The following ZNF600 variants were observed in gnomAD, a reference collection of about 807,000 sequenced individuals.
ZNF600 encodes zinc finger protein KR-ZNF1.
Under a neutral mutation model 7.3 loss-of-function variants are expected in ZNF600, and 4 were observed. The ratio of observed to expected loss-of-function variants is 0.55; its 90% confidence interval spans 0.27 to 1.25. The LOEUF is 1.25. Ranked by LOEUF, ZNF600 falls within the 50% of genes most tolerant of loss-of-function variation. The pLI is 0.12. For synonymous variants in ZNF600, 290 were observed against 308.9 expected, an observed-to-expected ratio of 0.94 and a Z score of 0.64; for missense variants, 911 against 922.1, an observed-to-expected ratio of 0.99 and a Z score of 0.16.
chr19:52,812,069 C>T, the ZNF600 span, among the ~76,000 whole-genome samples: 5 of 86,012 alleles, frequency 5.8e-5, no homozygotes, highest in Admixed American at 1.0e-4. Flanking sequence ...TGAGGGGCGC[C>T]TCTGCCCGGC....
the ZNF600 span, chr19:52,810,209 A>G: frequency 1.8e-6 from 2 of 1,084,456 alleles, no homozygotes; most frequent in Non-Finnish European, 1.4e-6. Context: ...TAAAGGAGCT[A>G]CAGAACGACG....
the ZNF600 span, among the ~76,000 whole-genome samples, chr19:52,815,910 G>A: frequency 0.086 from 12,623 of 146,886 alleles, 2,309 homozygotes; most frequent in African/African-American, 0.22. Context: ...ACGTGAGTTT[G>A]CCTCTGTAAC....
At chr19:52,799,684 A>G in the ZNF600 span, 2 of 1,217,568 alleles carry the variant, frequency 1.6e-6, 1 homozygote, top group Non-Finnish European at 2.1e-6. Context: ...CACTCATTAC[A>G]CTTTCAAGGT....
chr19:52,829,203 ATTT>A, the ZNF600 span, among the ~76,000 whole-genome samples: 2 of 45,328 alleles, frequency 4.4e-5, no homozygotes, highest in Non-Finnish European at 8.2e-5. Flanking sequence ...ATTTTATTTT[ATTT>A]TATTTTATTT....
chr19:52,813,267 A>AAAAAAAAAAAAAAC, the ZNF600 span, among the ~76,000 whole-genome samples: 1 of 149,068 alleles, frequency 6.7e-6, no homozygotes, highest in Non-Finnish European at 1.5e-5. Context: ...AAAAAAAAAA[A>AAAAAAAAAAAAAAC]AAAAGACATA....
chr19:52,801,741 C>T, the ZNF600 span: 2 of 1,565,280 alleles, frequency 1.3e-6, no homozygotes, highest in Non-Finnish European at 1.7e-6. Flanking sequence ...CAATGAAGTA[C>T]AGATGGTGTA....
chr19:52,786,346 C>A (rs375250061), intron 1 of ZNF600, among the ~76,000 whole-genome samples: 185 of 152,284 alleles, frequency 1.2e-3, no homozygotes, highest in African/African-American at 4.2e-3. Flanking sequence ...CGCAGCCTCC[C>A]CGGGGCTGGG....
upstream of ZNF600, among the ~76,000 whole-genome samples, chr19:52,790,969 C>G (rs970707307): frequency 1.3e-5 from 2 of 152,066 alleles, no homozygotes; most frequent in African/African-American, 4.8e-5. Flanking sequence ...GTGTGAGCCA[C>G]CACACCCAGA....
chr19:52,766,054 A>C (rs1208421126), exon 4 of ZNF600: 1 of 1,612,756 alleles, frequency 6.2e-7, no homozygotes, highest in Admixed American at 1.7e-5. Flanking sequence ...TGAACAAGGG[A>C]TGGCTTGTGA....
At chr19:52,806,337 C>A in the ZNF600 span, among the ~76,000 whole-genome samples, 1 of 151,938 alleles carries the variant, frequency 6.6e-6, no homozygotes, top group African/African-American at 2.4e-5. Flanking sequence ...TGGATTACAG[C>A]CACCCACCAC....
intron 1 of ZNF600, 61 bp downstream of exon 2, chr19:52,781,256 T>C (rs1036961806): frequency 6.6e-6 from 1 of 152,106 alleles, no homozygotes; most frequent in Non-Finnish European, 1.5e-5. Context: ...ACACACTGTA[T>C]TTTGTCAGTC....
At chr19:52,775,352 C>T (rs2062665795) in intron 2 of ZNF600, among the ~76,000 whole-genome samples, 1 of 152,008 alleles carries the variant, frequency 6.6e-6, no homozygotes, top group Admixed American at 6.6e-5. Context: ...GAGATTGAGA[C>T]CATCCTGGTC....
the ZNF600 span, among the ~76,000 whole-genome samples, chr19:52,795,370 G>A: frequency 1.3e-5 from 2 of 151,914 alleles, no homozygotes; most frequent in East Asian, 1.9e-4. Flanking sequence ...ATATGACACA[G>A]ACTAGAAAGC....
chr19:52,784,492 C>T (rs551005720), intron 1 of ZNF600, among the ~76,000 whole-genome samples: 3 of 152,240 alleles, frequency 2.0e-5, no homozygotes, highest in East Asian at 3.9e-4. Context: ...CCACTTCCTA[C>T]CCCACCCTGG....
At chr19:52,774,550 G>A (rs2062657257) in intron 3 of ZNF600, 25 bp downstream of exon 5, 1 of 983,626 alleles carries the variant, frequency 1.0e-6, no homozygotes, top group Admixed American at 6.2e-5. Flanking sequence ...GACTCCTCAT[G>A]TCTGGGGGAC....
At chr19:52,787,242 C>T (rs555271387), upstream of ZNF600, among the ~76,000 whole-genome samples, 2 of 152,040 alleles carry the variant, frequency 1.3e-5, no homozygotes, top group Non-Finnish European at 1.5e-5. Flanking sequence ...TGCCTAAACA[C>T]AGCAGGGATG....
chr19:52,831,278 A>G, the ZNF600 span, among the ~76,000 whole-genome samples: 2 of 152,036 alleles, frequency 1.3e-5, no homozygotes, highest in African/African-American at 4.8e-5. Flanking sequence ...TCATGCCTGT[A>G]ATAACAATCA....
At chr19:52,800,483 A>C in the ZNF600 span, 6 of 1,613,486 alleles carry the variant, frequency 3.7e-6, no homozygotes, top group Middle Eastern at 1.6e-4. Flanking sequence ...GATGGCGTGC[A>C]AGAGTTGATT....
At chr19:52,822,683 A>G in the ZNF600 span, among the ~76,000 whole-genome samples, 2 of 152,186 alleles carry the variant, frequency 1.3e-5, no homozygotes, top group Non-Finnish European at 2.9e-5. Context: ...TCCTGGCTGT[A>G]CTTGGTAATG....
Sources: allele counts gnomAD v4.1 joint callset (sites outside exome capture counted in the v4.1 genomes callset), GRCh38; gene constraint gnomAD v4.1.1; transcripts MANE v1.5; gene names NCBI Gene and HGNC (gene_info 2026-07-23, HGNC 2026-07-21).